GALNT13: variants seen among roughly 807,000 people sequenced by gnomAD.
The protein encoded by GALNT13 is UDP-GalNAc:polypeptide N-acetylgalactosaminyltransferase 13.
In GALNT13, 28 loss-of-function variants were observed where a neutral mutation model predicts 64.2. The observed-to-expected ratio is 0.44, with a 90% CI of 0.32 to 0.60. The LOEUF (loss-of-function observed/expected upper bound fraction) is 0.60. GALNT13 is among the 20% of genes least tolerant of loss of function. The probability of loss-of-function intolerance (pLI) is 0.05; values close to 1 mark genes in which losing one functional copy is unlikely to be tolerated. For missense variants in GALNT13, 577 were observed against 669.8 expected, an observed-to-expected ratio of 0.86 and a Z score of 1.53; for synonymous variants, 214 against 224.6, an observed-to-expected ratio of 0.95 and a Z score of 0.42.
the GALNT13 span, among the ~76,000 whole-genome samples, chr2:153,768,868 T>TA: frequency 6.6e-6 from 1 of 152,124 alleles, no homozygotes; most frequent in Non-Finnish European, 1.5e-5. Context: ...TCCATCTAAA[T>TA]AAAATAAATA....
At chr2:153,342,550 A>C in the GALNT13 span, among the ~76,000 whole-genome samples, 1 of 152,258 alleles carries the variant, frequency 6.6e-6, no homozygotes, top group Non-Finnish European at 1.5e-5. Flanking sequence ...TAAAGGAGCT[A>C]TTTGACTTTA....
At chr2:154,183,460 C>T (rs1300154249) in intron 4 of GALNT13, among the ~76,000 whole-genome samples, 1 of 151,998 alleles carries the variant, frequency 6.6e-6, no homozygotes, top group Non-Finnish European at 1.5e-5. Flanking sequence ...GCCTGTAATC[C>T]CAGCACTTTG....
chr2:153,617,183 A>G, the GALNT13 span, among the ~76,000 whole-genome samples: 1 of 151,900 alleles, frequency 6.6e-6, no homozygotes, highest in African/African-American at 2.4e-5. Context: ...TCCATTTAGT[A>G]TGATACTACT....
the GALNT13 span, among the ~76,000 whole-genome samples, chr2:153,332,177 C>T: frequency 1.3e-5 from 2 of 152,022 alleles, no homozygotes; most frequent in African/African-American, 4.8e-5. Context: ...CAATTTCATT[C>T]ATTTCTGCTC....
At chr2:153,677,986 C>G in the GALNT13 span, among the ~76,000 whole-genome samples, 1 of 151,842 alleles carries the variant, frequency 6.6e-6, no homozygotes, top group African/African-American at 2.4e-5. Context: ...GATTTAATGA[C>G]AGGCTCCAAA....
chr2:153,924,460 T>C (rs1401997749), intron 2 of GALNT13, among the ~76,000 whole-genome samples: 1 of 152,200 alleles, frequency 6.6e-6, no homozygotes, highest in East Asian at 1.9e-4. Flanking sequence ...CAGTCTATTG[T>C]TGATAGACAT....
At chr2:153,085,289 G>A in the GALNT13 span, among the ~76,000 whole-genome samples, 1 of 152,208 alleles carries the variant, frequency 6.6e-6, no homozygotes, top group Non-Finnish European at 1.5e-5. Flanking sequence ...AGAAATTCAA[G>A]CCTGCTGCAG....
chr2:153,302,516 TGTC>T, the GALNT13 span, among the ~76,000 whole-genome samples: 895 of 152,296 alleles, frequency 5.9e-3, 12 homozygotes, highest in East Asian at 0.036. Context: ...TTCCGTAAGT[TGTC>T]GTCTCTTCAG....
chr2:154,342,823 T>TGC (rs1222915141), intron 9 of GALNT13, among the ~76,000 whole-genome samples: 2 of 138,386 alleles, frequency 1.4e-5, no homozygotes, highest in African/African-American at 3.0e-5. Flanking sequence ...ATTAAGAGTG[T>TGC]GCGTGTGTGT....
chr2:153,249,655 C>T, the GALNT13 span, among the ~76,000 whole-genome samples: 1 of 152,158 alleles, frequency 6.6e-6, no homozygotes, highest in Non-Finnish European at 1.5e-5. Context: ...ACCAAAACAG[C>T]AGGGTACTGA....
chr2:154,359,970 G>T (rs1255452976), intron 9 of GALNT13, among the ~76,000 whole-genome samples: 1 of 152,034 alleles, frequency 6.6e-6, no homozygotes, highest in Non-Finnish European at 1.5e-5. Flanking sequence ...TCAAAAATAA[G>T]CATTCCCAAA....
the GALNT13 span, among the ~76,000 whole-genome samples, chr2:153,437,861 C>G: frequency 6.6e-6 from 1 of 152,178 alleles, no homozygotes; most frequent in East Asian, 1.9e-4. Flanking sequence ...GAATTTGATC[C>G]TGTCATTATG....
chr2:154,238,675 A>C (rs1164536634), intron 4 of GALNT13, among the ~76,000 whole-genome samples: 1 of 151,996 alleles, frequency 6.6e-6, no homozygotes, highest in African/African-American at 2.4e-5. Flanking sequence ...GTACAGAAGG[A>C]GTCTTCTTTG....
chr2:154,446,267 C>T (rs1308549430), intron 12 of GALNT13, among the ~76,000 whole-genome samples: 1 of 152,086 alleles, frequency 6.6e-6, no homozygotes, highest in Non-Finnish European at 1.5e-5. Context: ...CATTGTATTA[C>T]TAGGATGAAG....
chr2:154,082,855 G>A (rs1044622924), intron 3 of GALNT13, among the ~76,000 whole-genome samples: 1 of 151,998 alleles, frequency 6.6e-6, no homozygotes, highest in Non-Finnish European at 1.5e-5. Flanking sequence ...CTCCTATTCT[G>A]TAGGTTGCCT....
chr2:153,277,148 G>A, the GALNT13 span, among the ~76,000 whole-genome samples: 8 of 152,252 alleles, frequency 5.3e-5, no homozygotes, highest in East Asian at 5.8e-4. Flanking sequence ...AATTGATCCC[G>A]TCACCTAGTT....
chr2:154,275,805 C>T (rs1691615981), intron 8 of GALNT13, among the ~76,000 whole-genome samples: 1 of 152,186 alleles, frequency 6.6e-6, no homozygotes, highest in Non-Finnish European at 1.5e-5. Flanking sequence ...AAGCCACAGA[C>T]AATCAGCCCC....
the GALNT13 span, among the ~76,000 whole-genome samples, chr2:153,252,480 A>T: frequency 6.8e-6 from 1 of 147,902 alleles, no homozygotes; most frequent in Non-Finnish European, 1.5e-5. Context: ...GTTTAATTAG[A>T]TCCCATTTGT....
the GALNT13 span, among the ~76,000 whole-genome samples, chr2:153,728,927 G>T: frequency 6.6e-6 from 1 of 152,128 alleles, no homozygotes; most frequent in Non-Finnish European, 1.5e-5. Context: ...ACCCTCCCAA[G>T]ACTGAACCAG....
Sources: allele counts gnomAD v4.1 joint callset (sites outside exome capture counted in the v4.1 genomes callset), GRCh38; gene constraint gnomAD v4.1.1; transcripts MANE v1.5; gene names NCBI Gene and HGNC (gene_info 2026-07-23, HGNC 2026-07-21).